STAB1: variants seen among roughly 807,000 people sequenced by gnomAD.
STAB1 encodes the protein stabilin 1.
Under a neutral mutation model 332.4 loss-of-function variants are expected in STAB1, and 250 were observed. The observed-to-expected ratio is 0.75, with a 90% CI of 0.68 to 0.84. The LOEUF is 0.84. Among genes scored for constraint, STAB1 ranks in the 40% least tolerant of loss-of-function variants. The pLI is 0.00. For missense variants in STAB1, 3,249 were observed against 3,489.7 expected (o/e 0.93, Z 1.74); for synonymous variants, 1,475 against 1,390.4 (o/e 1.06, Z -1.35).
Position 52,510,090 on chromosome 3 carries a change from T to C in STAB1, c.2534+34T>C, listed in dbSNP as rs565210303. Reference sequence around the variant, plus strand: ...CCACACCTTCTGTCTGCCCCACCCGTGACCTTTCATACCTGAGGCTCACTG... The same window carrying C: ...CCACACCTTCTGTCTGCCCCACCCGCGACCTTTCATACCTGAGGCTCACTG... On this transcript the variant is annotated intron_variant, in intron 23 of 68. Transcript: ENST00000321725. 3.3e-4 allele frequency: 526 copies of C among 1,613,284 alleles called. 6 individuals are homozygous for C. The South Asian group carries it at 5.5e-3, about 17-fold the overall frequency.
At chr3:52,516,945 G>A (rs775618075) in intron 41 of STAB1, 39 bp from the exon 42 acceptor site, 27 of 1,608,718 alleles carry the variant, frequency 1.7e-5, no homozygotes, top group East Asian at 1.3e-4. Context: ...CTCCGGCCCC[G>A]TGCCTGCTCC....
chr3:52,524,234 G>C, intron 68 of STAB1, 21 bp downstream of exon 68: 6 of 1,614,060 alleles, frequency 3.7e-6, no homozygotes, highest in Non-Finnish European at 4.2e-6. Flanking sequence ...AAGTGAAGAA[G>C]TGTGGCAGAT....
In STAB1 at chr3:52,514,421, C is replaced by T. The variant is rs1203104713; in HGVS notation, c.3603C>T (p.Thr1201=). Residue 1201 remains threonine (T), a synonymous_variant, in exon 34 of 69, where the codon ACC becomes ACT. Transcript: ENST00000321725. ...VVLGEALSME[T]LRKGGHRNSL... is the part of the protein sequence containing the mutation. ...TGGGGGAGGCCCTCTCCATGGAAACCCTGCGGAAGGGTGGACACCGCAACT... is the reference window on the plus strand; with the variant it reads ...TGGGGGAGGCCCTCTCCATGGAAACTCTGCGGAAGGGTGGACACCGCAACT... 1.3e-6 allele frequency: 2 copies of T among 1,554,782 alleles called. No individual in the cohort carries two copies. The highest frequency in any genetic ancestry group is 3.8e-5 in the Admixed American group (2 of 52,918).
rs752850506 is a variant in STAB1, at chr3:52,513,876, G to C, written c.3349-7G>C. The stretch of plus-strand genomic sequence containing the variant: ...ACATACTGACCAGGCCCTGTGCTCT[G>C]TACCAGGTCTTACTGCCCCCCCGAG... On this transcript the variant is annotated splice_region_variant and splice_polypyrimidine_tract_variant and intron_variant, in intron 31 of 68. Transcript: ENST00000321725. 2 of 1,607,252 alleles carry C rather than the reference G, an allele frequency of 1.2e-6. No individual in the cohort carries two copies. Among genetic ancestry groups the C allele is most frequent in the South Asian group, 1.1e-5 (1 of 90,816 alleles).
rs2079141078 is a variant in STAB1, at chr3:52,523,249, C to T, written c.7048C>T (p.Gln2350Ter). 8.7e-6 allele frequency: 14 copies of T among 1,613,320 alleles called. No individual in the cohort carries two copies. The highest frequency in any genetic ancestry group is 1.0e-5 in the Non-Finnish European group (12 of 1,180,014). The change falls in exon 64 of 69, where the codon CAG (glutamine) becomes TAG (stop). Residue 2350 changes from glutamine to a stop codon, truncating the protein, a stop_gained. Coordinates refer to ENST00000321725, the MANE Select transcript of STAB1 (RefSeq NM_015136.3). LOFTEE classifies it high-confidence loss of function. ...GCTATTGGGCTATGCCAATGCCACC[C>T]AGCGGGGTCTCGACTTCCTGGACTT... ...GMLLGYANATQRGLDFLDFLD... is the reference protein window; with the variant it reads ...GMLLGYANAT
In STAB1 at chr3:52,523,145, G is replaced by C. The variant is rs1404683126; in HGVS notation, c.7020+11G>C. On this transcript the variant is annotated intron_variant, in intron 63 of 68. Coordinates refer to ENST00000321725, the MANE Select transcript of STAB1 (RefSeq NM_015136.3). ...TCCACCTTCTATGGGGTGTGTGGGG[G>C]CCACCCTTGGGGGCGGGGGGTGCTG... The C allele has an allele frequency of 6.2e-7, 1 of 1,605,022 alleles. No homozygotes were observed. The highest frequency in any genetic ancestry group is 8.5e-7 in the Non-Finnish European group (1 of 1,176,122).
At position 52,510,062 on chromosome 3, in the gene STAB1, G is replaced by T. The variant is rs767587132; in HGVS notation, c.2534+6G>T. ...AGCCAGGAGGGTGTTGCCAGGTGAG[G>T]ACCCACACCTTCTGTCTGCCCCACC... On this transcript the variant is annotated splice_donor_region_variant and intron_variant, in intron 23 of 68. Coordinates refer to ENST00000321725, the MANE Select transcript of STAB1 (RefSeq NM_015136.3). 5.0e-6 allele frequency: 8 copies of T among 1,611,830 alleles called. No individual in the cohort carries two copies. In the South Asian group the frequency reaches 8.8e-5, roughly 18 times the overall value.
Position 52,510,189 on chromosome 3 carries a change from C to G in STAB1, c.2582C>G (p.Pro861Arg), listed in dbSNP as rs1165849661. The stretch of plus-strand genomic sequence containing the variant: ...GAGGGTGATGGCTTCTCCTGCACAC[C>G]TAGCAACCCCTGCTCCCACCCGGAC... ...GFEGDGFSCT[P>R]SNPCSHPDRG... Residue 861 changes from proline (P) to arginine (R), a missense_variant, in exon 24 of 69, where the codon CCT (proline) becomes CGT (arginine). By Grantham distance (103) the Pro-to-Arg change is moderately radical. Coordinates refer to ENST00000321725, the MANE Select transcript of STAB1 (RefSeq NM_015136.3). 3 of 1,614,026 alleles carry G rather than the reference C, an allele frequency of 1.9e-6. No individual in the cohort carries two copies. Among genetic ancestry groups the G allele is most frequent in the East Asian group, 2.2e-5 (1 of 44,894 alleles).
Position 52,504,561 on chromosome 3 carries a change from C to A in STAB1, c.1239+12C>A. On this transcript the variant is annotated intron_variant, in intron 11 of 68. Transcript: ENST00000321725. ...CCAGGACCATGAATGTAAGCCCCTC[C>A]CCATGGTGGAGCTGGCCACTGGCCC... 1 of 1,613,884 alleles carries A rather than the reference C, an allele frequency of 6.2e-7. No homozygotes were observed. The highest frequency in any genetic ancestry group is 8.5e-7 in the Non-Finnish European group (1 of 1,179,938).
At chr3:52,523,158 GC>G in intron 63 of STAB1, 24 bp downstream of exon 63, 2 of 1,609,520 alleles carry the variant, frequency 1.2e-6, no homozygotes, top group Admixed American at 3.3e-5. Context: ...ACCCTTGGGG[GC>G]GGGGGGTGCT....
rs781538856 is a variant in STAB1, at chr3:52,516,441, C to T, written c.4230C>T (p.Arg1410=). The change falls in exon 39 of 69, where the codon CGC becomes CGT. Residue 1410 remains arginine, a synonymous_variant. Transcript: ENST00000321725. ...GTAACGTGGGCTGGCAGGGCCTCCG[C>T]TGTGACCAGAGTGAGTGGGTCCCAA... ...CVCNVGWQGL[R]CDQKITSPQC... The T allele has an allele frequency of 1.2e-6, 2 of 1,613,250 alleles. No individual in the cohort carries two copies. The highest frequency in any genetic ancestry group is 1.3e-5 in the African/African-American group (1 of 75,042).
In STAB1 at chr3:52,520,338, C is replaced by T. The variant is rs200509569; in HGVS notation, c.5499+48C>T. ...GATGAAGGGAGTAGGAGGCAGGGGC[C>T]CTGGCAGTAGCAGCTGGAGTGCACC... On this transcript the variant is annotated intron_variant, in intron 52 of 68. Coordinates refer to ENST00000321725, the MANE Select transcript of STAB1 (RefSeq NM_015136.3). 41 of 1,612,858 alleles carry T rather than the reference C, an allele frequency of 2.5e-5. No individual in the cohort carries two copies. The Middle Eastern group carries it at 3.8e-3, about 149-fold the overall frequency.
At position 52,520,046 on chromosome 3, in the gene STAB1, G is replaced by A; in HGVS notation, c.5338G>A (p.Ala1780Thr). The A allele has an allele frequency of 6.2e-7, 1 of 1,612,684 alleles. No individual in the cohort carries two copies. Among genetic ancestry groups the A allele is most frequent in the East Asian group, 2.2e-5 (1 of 44,872 alleles). ...TCGAGCTCTGCCTCCGGATCGCCAG[G>A]CCTGGCTGTACCATGAGGACCACCG... Reference protein sequence around the residue: ...AFRALPPDRQAWLYHEDHRDK... With the variant: ...AFRALPPDRQTWLYHEDHRDK... Residue 1780 changes from alanine to threonine, a missense_variant, in exon 51 of 69, where the codon GCC becomes ACC. By Grantham distance (58) the Ala-to-Thr change is moderately conservative (BLOSUM62 0). Coordinates refer to ENST00000321725, the MANE Select transcript of STAB1 (RefSeq NM_015136.3).
chr3:52,503,188 G>T, intron 7 of STAB1, 79 bp downstream of exon 7: 1 of 1,507,324 alleles, frequency 6.6e-7, no homozygotes, highest in African/African-American at 1.4e-5. Context: ...CCCAGCAAGT[G>T]CAATGTAATT....
At chr3:52,508,134 C>G in intron 20 of STAB1, 108 bp downstream of exon 20, 1 of 1,368,200 alleles carries the variant, frequency 7.3e-7, no homozygotes, top group Non-Finnish European at 1.0e-6. Context: ...GGATGCACTG[C>G]AGCCTGACGG....
At position 52,520,472 on chromosome 3, in the gene STAB1, T is replaced by C; in HGVS notation, c.5572T>C (p.Tyr1858His). The change falls in exon 53 of 69, where the codon TAT (tyrosine) becomes CAT (histidine). Residue 1858 changes from tyrosine to histidine, a missense_variant. Physicochemically the swap from Tyr to His is moderately conservative, Grantham distance 83. Transcript: ENST00000321725. ...CTTGCCCTTTGAGGGTGGCCTGGCC[T>C]ATGGCATCGACCAGCTGCTGGAGCC... ...RHLPFEGGLA[Y>H]GIDQLLEPPG... 1 of 1,612,778 alleles carries C rather than the reference T, an allele frequency of 6.2e-7. No individual in the cohort carries two copies. Among genetic ancestry groups the C allele is most frequent in the East Asian group, 2.2e-5 (1 of 44,882 alleles).
chr3:52,509,905 C>T lies in STAB1; in HGVS notation c.2383C>T (p.Pro795Ser). ...GCVHGLCDNR[P>S]GSGGVCQQGT... The stretch of plus-strand genomic sequence containing the variant: ...TGTCCATGGTCTCTGCGACAACCGC[C>T]CAGGCAGTGGGGGGGTGTGCCAGCA... The change falls in exon 23 of 69, where the codon CCA becomes TCA. Residue 795 changes from proline (P) to serine (S), a missense_variant. By Grantham distance (74) the Pro-to-Ser change is moderately conservative (BLOSUM62 -1). Coordinates refer to ENST00000321725, the MANE Select transcript of STAB1 (RefSeq NM_015136.3). 1 of 1,613,064 alleles carries T rather than the reference C, an allele frequency of 6.2e-7. No homozygotes were observed. The highest frequency in any genetic ancestry group is 8.5e-7 in the Non-Finnish European group (1 of 1,180,022).
Position 52,510,512 on chromosome 3 carries a change from G to C in STAB1, c.2787+5G>C. On this transcript the variant is annotated splice_donor_5th_base_variant and intron_variant, in intron 25 of 68. Coordinates refer to ENST00000321725, the MANE Select transcript of STAB1 (RefSeq NM_015136.3). ...AGCTATGTGGGCCCCGGGCAGGTGA[G>C]GTGCAGCAGAGAAGGGGTGGGGGCC... 6.2e-7 allele frequency: 1 copy of C among 1,611,604 alleles called. No homozygotes were observed. Among genetic ancestry groups the C allele is most frequent in the Non-Finnish European group, 8.5e-7 (1 of 1,178,806 alleles).
intron 2 of STAB1, 117 bp from the exon 3 acceptor site, chr3:52,501,521 C>A: frequency 8.6e-7 from 1 of 1,159,154 alleles, no homozygotes; most frequent in Non-Finnish European, 1.2e-6. Flanking sequence ...CTGTGCTCAG[C>A]TCTGGGCCAG....
Sources: allele counts gnomAD v4.1 joint callset, GRCh38; gene constraint gnomAD v4.1.1; transcripts MANE v1.5; gene names NCBI Gene and HGNC (gene_info 2026-07-23, HGNC 2026-07-21).